MAML3: variants seen among roughly 807,000 people sequenced by gnomAD.
MAML3 encodes mastermind like transcriptional coactivator 3.
MAML3 carries 27 observed loss-of-function variants against 101.9 expected under a neutral mutation model. That is an observed-to-expected ratio of 0.27 (90% confidence interval 0.20 to 0.37). The LOEUF (loss-of-function observed/expected upper bound fraction) is 0.37. Among genes scored for constraint, MAML3 ranks in the 10% least tolerant of loss-of-function variants. The pLI is 1.00. For missense variants in MAML3, 1,316 were observed against 1,444.9 expected, an observed-to-expected ratio of 0.91 and a Z score of 1.45; for synonymous variants, 501 against 555.9, an observed-to-expected ratio of 0.90 and a Z score of 1.39.
At chr4:139,952,899 A>C (rs1038447529) in intron 1 of MAML3, among the ~76,000 whole-genome samples, 2 of 152,194 alleles carry the variant, frequency 1.3e-5, no homozygotes, top group African/African-American at 4.8e-5. Flanking sequence ...TCCGTGGAGG[A>C]GCTACAAGGT....
At chr4:139,858,169 G>C (rs1731702553) in intron 2 of MAML3, among the ~76,000 whole-genome samples, 1 of 152,150 alleles carries the variant, frequency 6.6e-6, no homozygotes, top group African/African-American at 2.4e-5. Flanking sequence ...TTGCACCCAA[G>C]GGCACAAAGA....
At chr4:140,130,041 C>T (rs1175197425) in intron 1 of MAML3, among the ~76,000 whole-genome samples, 3 of 151,008 alleles carry the variant, frequency 2.0e-5, no homozygotes, top group Non-Finnish European at 2.9e-5. Context: ...TTGTGGAAAA[C>T]GCACCAATAA....
At chr4:139,917,455 T>C (rs1298341077) in intron 1 of MAML3, among the ~76,000 whole-genome samples, 1 of 151,958 alleles carries the variant, frequency 6.6e-6, no homozygotes, top group African/African-American at 2.4e-5. Flanking sequence ...CCAGAAACCA[T>C]GTCAAGTGAA....
intron 1 of MAML3, among the ~76,000 whole-genome samples, chr4:140,088,397 A>G (rs1329631812): frequency 6.6e-6 from 1 of 152,080 alleles, no homozygotes; most frequent in Non-Finnish European, 1.5e-5. Flanking sequence ...AGTCATCAAG[A>G]TGTAGTCTTA....
intron 1 of MAML3, among the ~76,000 whole-genome samples, chr4:139,927,743 G>A (rs750173330): frequency 5.9e-5 from 9 of 152,116 alleles, no homozygotes; most frequent in Admixed American, 2.0e-4. Context: ...TTTGGCCATG[G>A]GAACACATTT....
chr4:139,892,120 A>G (rs1578650828), intron 1 of MAML3, among the ~76,000 whole-genome samples: 1 of 152,138 alleles, frequency 6.6e-6, no homozygotes, highest in Non-Finnish European at 1.5e-5. Flanking sequence ...GGCTGGGTAC[A>G]TTGTTTTGGG....
chr4:140,011,771 T>C (rs1726568592), intron 1 of MAML3, among the ~76,000 whole-genome samples: 1 of 152,220 alleles, frequency 6.6e-6, no homozygotes, highest in South Asian at 2.1e-4. Context: ...CTGCAGTTTC[T>C]GTATATGCAG....
chr4:140,141,373 A>G (rs1728978011), intron 1 of MAML3, among the ~76,000 whole-genome samples: 1 of 152,200 alleles, frequency 6.6e-6, no homozygotes, highest in Non-Finnish European at 1.5e-5. Context: ...TGTTATTACC[A>G]TGTTACACAG....
intron 1 of MAML3, among the ~76,000 whole-genome samples, chr4:140,078,099 C>T (rs1453082799): frequency 2.6e-5 from 4 of 152,088 alleles, no homozygotes; most frequent in South Asian, 2.1e-4. Context: ...ATGAATCAGT[C>T]GCAACAGTCT....
Position 139,864,923 on chromosome 4 carries a change from CTTTTTTTTTTTT to C in MAML3, c.2079+24422_2079+24433del, listed in dbSNP as rs56361332. On this transcript the variant is annotated intron_variant, in intron 2 of 4. Coordinates refer to ENST00000509479, the MANE Select transcript of MAML3 (RefSeq NM_018717.5). ...TTAGGAAAATAGTAATGCAAACTTG[CTTTTTTTTTTTT>C]TTTTTTTTTTTTTTTTTTGCCACAA... 6.8e-3 allele frequency among the ~76,000 whole-genome samples: 422 copies of C among 62,476 alleles called. 10 individuals carry two copies. The highest frequency in any genetic ancestry group is 8.7e-3 in the Non-Finnish European group (300 of 34,288). The allele number at this position is 62,476 out of a possible 152,430, so 41.0% of individuals were successfully genotyped here. A position where few individuals can be genotyped will look rare whatever the true frequency, so the allele number is the denominator to read the frequency against.
rs144369310 is a variant in MAML3, at chr4:139,900,800, A to C, written c.469-9833T>G. 3.9e-5 allele frequency among the ~76,000 whole-genome samples: 6 copies of C among 152,338 alleles called. No homozygotes were observed. The East Asian group carries it at 1.2e-3, about 29-fold the overall frequency. ...CAGAAGTTGACTCACTGCTTACTAA[A>C]TGTTTCAATATATTATTGTCATACA... is the stretch of plus-strand genomic sequence containing the variant. On this transcript the variant is annotated intron_variant, in intron 1 of 4. Coordinates refer to ENST00000509479, the MANE Select transcript of MAML3 (RefSeq NM_018717.5).
rs1730294342 is a variant in MAML3, at chr4:139,785,696, AG to A, written c.2080-55030del. 6.6e-6 allele frequency among the ~76,000 whole-genome samples: 1 copy of A among 151,986 alleles called. No individual in the cohort carries two copies. The highest frequency in any genetic ancestry group is 2.1e-4 in the South Asian group (1 of 4,818). ...AATTTTTTTTTTCCTGTGATAAAAC[AG>A]ATTTCCTGAATTTAAAATGCTACTG... On this transcript the variant is annotated intron_variant, in intron 2 of 4. Transcript: ENST00000509479. This position sits in a 1 kb window ranked among gnomAD's most constrained non-coding sequence, Gnocchi z 4.3.
chr4:139,948,101 A>AAAATAAATAAAT (rs59043940), intron 1 of MAML3, among the ~76,000 whole-genome samples: 14,048 of 143,040 alleles, frequency 0.098, 1,540 homozygotes, highest in African/African-American at 0.27. Context: ...ACTCCATCTC[A>AAAATAAATAAAT]AAATAAATAA....
intron 1 of MAML3, among the ~76,000 whole-genome samples, chr4:140,056,659 A>C (rs958783758): frequency 6.6e-6 from 1 of 151,714 alleles, no homozygotes; most frequent in African/African-American, 2.4e-5. Flanking sequence ...AATACCAAAA[A>C]ATTAGCCAGG....
At chr4:139,727,572 C>T (rs1728525863) in intron 3 of MAML3, among the ~76,000 whole-genome samples, 1 of 152,166 alleles carries the variant, frequency 6.6e-6, no homozygotes, top group Admixed American at 6.5e-5. Context: ...CCCCACATAA[C>T]CTCAGTTCCT....
chr4:139,908,841 G>A (rs1168758042), intron 1 of MAML3, among the ~76,000 whole-genome samples: 1 of 152,160 alleles, frequency 6.6e-6, no homozygotes, highest in East Asian at 1.9e-4. Context: ...TCTGAGATTC[G>A]CAGAGAATGA....
At chr4:139,915,629 G>C (rs542999119) in intron 1 of MAML3, among the ~76,000 whole-genome samples, 1 of 152,172 alleles carries the variant, frequency 6.6e-6, no homozygotes, top group Non-Finnish European at 1.5e-5. Context: ...AAACCTGTGT[G>C]TATGAATCCA....
At chr4:140,004,761 A>G (rs1726418840) in intron 1 of MAML3, among the ~76,000 whole-genome samples, 1 of 152,080 alleles carries the variant, frequency 6.6e-6, no homozygotes, top group South Asian at 2.1e-4. Context: ...TCTCCCTGCC[A>G]GCCCAGGGCT....
intron 2 of MAML3, among the ~76,000 whole-genome samples, chr4:139,814,902 A>G (rs903504156): frequency 1.3e-5 from 2 of 152,178 alleles, no homozygotes; most frequent in Admixed American, 6.5e-5. Flanking sequence ...TTCTACAGAG[A>G]GTTTTATATG....
Sources: allele counts gnomAD v4.1 joint callset (sites outside exome capture counted in the v4.1 genomes callset), GRCh38; gene constraint gnomAD v4.1.1; non-coding constraint Gnocchi (gnomAD v3.1); transcripts MANE v1.5; gene names NCBI Gene and HGNC (gene_info 2026-07-23, HGNC 2026-07-21).